Variants in CNTNAP2 observed in about 807,000 individuals in gnomAD.
CNTNAP2 encodes contactin-associated protein-like 2.
In CNTNAP2, 98 loss-of-function variants were observed where a neutral mutation model predicts 155.2. The ratio of observed to expected loss-of-function variants is 0.63; its 90% CI spans 0.54 to 0.75. The LOEUF (loss-of-function observed/expected upper bound fraction) is 0.75, where lower values mean the gene tolerates loss of function less well. Ranked by LOEUF, CNTNAP2 falls within the 30% of genes least tolerant of loss-of-function variation. The probability of loss-of-function intolerance (pLI) is 0.00; values close to 1 mark genes in which losing one functional copy is unlikely to be tolerated. For missense variants in CNTNAP2, 1,727 were observed against 1,688.1 expected, an observed-to-expected ratio of 1.02 and a Z score of -0.40; for synonymous variants, 651 against 631.2, an observed-to-expected ratio of 1.03 and a Z score of -0.47.
chr7:147,335,881 T>A lies in CNTNAP2; in HGVS notation c.1498+35591T>A, dbSNP rs796361423. Among the ~76,000 whole-genome samples, 4 of 58,456 alleles carry A rather than the reference T, an allele frequency of 6.8e-5. No homozygotes were observed. In the South Asian group the frequency reaches 3.2e-3, roughly 46 times the overall value. The allele number at this position is 58,456 out of a possible 152,430, so 38.3% of individuals were successfully genotyped here. On this transcript the variant is annotated intron_variant, in intron 9 of 23. Coordinates refer to ENST00000361727, the MANE Select transcript of CNTNAP2 (RefSeq NM_014141.6). ...TGTACAAATGTGATGTGAAAAAAAA[T>A]AAAATTTAGCAGCTGTATCATATTA...
At chr7:148,017,549 T>G (rs1343239547) in intron 15 of CNTNAP2, among the ~76,000 whole-genome samples, 3 of 152,208 alleles carry the variant, frequency 2.0e-5, no homozygotes, top group African/African-American at 4.8e-5. Flanking sequence ...GAAATTTGAC[T>G]AAAATCTATT....
chr7:147,488,296 T>A (rs906186180), intron 11 of CNTNAP2, among the ~76,000 whole-genome samples: 1 of 152,224 alleles, frequency 6.6e-6, no homozygotes, highest in Admixed American at 6.5e-5. Flanking sequence ...CAGTTTCTGA[T>A]GTGTCTGACG....
At chr7:146,751,888 T>C (rs913058869) in intron 1 of CNTNAP2, among the ~76,000 whole-genome samples, 2 of 152,084 alleles carry the variant, frequency 1.3e-5, no homozygotes, top group Non-Finnish European at 2.9e-5. Flanking sequence ...TGGTTTTCGG[T>C]TCTTGTGTTA....
chr7:146,648,225 T>A (rs1199637304), intron 1 of CNTNAP2, among the ~76,000 whole-genome samples: 1 of 152,198 alleles, frequency 6.6e-6, no homozygotes, highest in African/African-American at 2.4e-5. Context: ...AATAAGTTAT[T>A]TTCAAGTGAT....
chr7:147,439,253 T>G (rs1797600639), intron 10 of CNTNAP2, among the ~76,000 whole-genome samples: 1 of 152,002 alleles, frequency 6.6e-6, no homozygotes, highest in Non-Finnish European at 1.5e-5. Flanking sequence ...TAGTACTGCT[T>G]TTGTCATATA....
At chr7:147,498,465 C>T (rs941100740) in intron 11 of CNTNAP2, among the ~76,000 whole-genome samples, 26 of 152,208 alleles carry the variant, frequency 1.7e-4, no homozygotes, top group African/African-American at 4.6e-4. Flanking sequence ...AGGTCATTTT[C>T]GCTAAGCTTC....
At chr7:146,739,750 T>C (rs1801680494) in intron 1 of CNTNAP2, among the ~76,000 whole-genome samples, 1 of 152,068 alleles carries the variant, frequency 6.6e-6, no homozygotes, top group Non-Finnish European at 1.5e-5. Context: ...GTAAATCTCC[T>C]ACTATTGTTT....
At chr7:148,132,311 C>T (rs1271555204) in intron 16 of CNTNAP2, among the ~76,000 whole-genome samples, 1 of 151,620 alleles carries the variant, frequency 6.6e-6, no homozygotes, top group Non-Finnish European at 1.5e-5. Context: ...AGTGTGGTCA[C>T]AGTAAAAATA....
chr7:146,246,631 C>T lies in CNTNAP2; in HGVS notation c.97+129658C>T, dbSNP rs559305378. On this transcript the variant is annotated intron_variant, in intron 1 of 23. Coordinates refer to ENST00000361727, the MANE Select transcript of CNTNAP2 (RefSeq NM_014141.6). Reference sequence around the variant, plus strand: ...TGGTCTAGGGGGCTTCCGAGGCGATCCGACAGCATCAGTCTTCAGCCGCTA... The same window carrying T: ...TGGTCTAGGGGGCTTCCGAGGCGATTCGACAGCATCAGTCTTCAGCCGCTA... Among the ~76,000 whole-genome samples, 280 of 149,438 alleles carry T rather than the reference C, an allele frequency of 1.9e-3. 5 individuals carry two copies. Among genetic ancestry groups the T allele is most frequent in the African/African-American group, 6.6e-3 (256 of 38,880 alleles).
intron 1 of CNTNAP2, among the ~76,000 whole-genome samples, chr7:146,331,766 A>G (rs1584873097): frequency 1.3e-5 from 2 of 152,206 alleles, no homozygotes; most frequent in Admixed American, 1.3e-4. Context: ...CTACTTGTCA[A>G]TGGAAGGAGT....
chr7:147,745,676 A>G (rs1442731465), intron 13 of CNTNAP2, among the ~76,000 whole-genome samples: 1 of 152,240 alleles, frequency 6.6e-6, no homozygotes, highest in Admixed American at 6.5e-5. Flanking sequence ...TAATGAAGTC[A>G]GCATTACTTG....
chr7:147,027,507 G>T (rs550143959), intron 3 of CNTNAP2, among the ~76,000 whole-genome samples: 1 of 152,192 alleles, frequency 6.6e-6, no homozygotes, highest in Non-Finnish European at 1.5e-5. Flanking sequence ...AAAACATAGG[G>T]TGATAATTTT....
intron 1 of CNTNAP2, among the ~76,000 whole-genome samples, chr7:146,633,200 C>G (rs1799538454): frequency 6.6e-6 from 1 of 152,120 alleles, no homozygotes; most frequent in East Asian, 1.9e-4. Context: ...AGATGGATTT[C>G]TAAATTCAAG....
intron 13 of CNTNAP2, among the ~76,000 whole-genome samples, chr7:147,751,384 G>C (rs1334258021): frequency 8.7e-6 from 1 of 115,054 alleles, no homozygotes; most frequent in Admixed American, 1.1e-4. Flanking sequence ...ATCTTCAAAG[G>C]ATGAATTTAG....
intron 13 of CNTNAP2, among the ~76,000 whole-genome samples, chr7:147,782,847 A>T (rs964558353): frequency 6.6e-6 from 1 of 152,212 alleles, no homozygotes; most frequent in Non-Finnish European, 1.5e-5. Flanking sequence ...GTAACTATTT[A>T]TGTGCTAATC....
chr7:146,283,834 A>G (rs766166150), intron 1 of CNTNAP2, among the ~76,000 whole-genome samples: 17 of 152,160 alleles, frequency 1.1e-4, no homozygotes, highest in Non-Finnish European at 1.3e-4. Context: ...TGGGTTGACT[A>G]CACACCTATT....
intron 21 of CNTNAP2, among the ~76,000 whole-genome samples, chr7:148,311,051 C>G (rs1018178182): frequency 6.6e-6 from 1 of 151,926 alleles, no homozygotes; most frequent in Non-Finnish European, 1.5e-5. Flanking sequence ...CATAAAGGAG[C>G]GGCCACAGGA....
At chr7:147,911,170 A>T (rs1438332639) in intron 14 of CNTNAP2, among the ~76,000 whole-genome samples, 1 of 152,168 alleles carries the variant, frequency 6.6e-6, no homozygotes, top group Non-Finnish European at 1.5e-5. Context: ...GAGTTCAGAA[A>T]ATGTGATTAA....
chr7:146,155,377 A>G lies in CNTNAP2; in HGVS notation c.97+38404A>G, dbSNP rs116242775. ...ATATTTCAGAACAACAAGTACTAGA[A>G]AATTTAATTCAACTAAACAGTAAAT... is the stretch of plus-strand genomic sequence containing the variant. On this transcript the variant is annotated intron_variant, in intron 1 of 23. Transcript: ENST00000361727. Among the ~76,000 whole-genome samples, 801 of 152,312 alleles carry G rather than the reference A, an allele frequency of 5.3e-3. 6 individuals carry two copies. The highest frequency in any genetic ancestry group is 0.018 in the African/African-American group (758 of 41,572).
Sources: gnomAD v4.1 joint callset for allele counts (sites outside exome capture counted in the v4.1 genomes callset) on GRCh38, gnomAD v4.1.1 for gene constraint, MANE v1.5 for transcripts, NCBI Gene and HGNC (gene_info 2026-07-23, HGNC 2026-07-21) for gene names.